PTPRD: variants seen among roughly 807,000 people sequenced by gnomAD.
The protein encoded by PTPRD is protein tyrosine phosphatase receptor type D.
Under a neutral mutation model 214.5 loss-of-function variants are expected in PTPRD, and 34 were observed. That is an observed-to-expected ratio of 0.16 (90% CI 0.12 to 0.21). PTPRD has a LOEUF of 0.21. Among genes scored for constraint, PTPRD ranks in the 10% least tolerant of loss-of-function variants. The pLI, the probability that PTPRD is intolerant of heterozygous loss-of-function variation, is 1.00. For synonymous variants in PTPRD, 1,128 were observed against 845.7 expected, an observed-to-expected ratio of 1.33 and a Z score of -5.79; for missense variants, 2,545 against 2,398.7, an observed-to-expected ratio of 1.06 and a Z score of -1.27.
intron 9 of PTPRD, among the ~76,000 whole-genome samples, chr9:9,338,148 T>C (rs1489406470): frequency 6.6e-6 from 1 of 152,200 alleles, no homozygotes; most frequent in African/African-American, 2.4e-5. Context: ...TTCGTGTTTA[T>C]TTATTGTTCA....
At chr9:9,151,754 T>C (rs2099876965) in intron 10 of PTPRD, among the ~76,000 whole-genome samples, 1 of 152,168 alleles carries the variant, frequency 6.6e-6, no homozygotes, top group African/African-American at 2.4e-5. Context: ...AAATCACAGA[T>C]TGCTCAGTGC....
intron 9 of PTPRD, among the ~76,000 whole-genome samples, chr9:9,206,492 C>G (rs956026544): frequency 6.6e-6 from 1 of 152,086 alleles, no homozygotes; most frequent in African/African-American, 2.4e-5. Flanking sequence ...AAGTATTGTT[C>G]TTGAGTGTGT....
At chr9:8,590,694 G>T (rs967496865) in intron 14 of PTPRD, among the ~76,000 whole-genome samples, 2 of 152,094 alleles carry the variant, frequency 1.3e-5, no homozygotes, top group East Asian at 3.8e-4. Context: ...TGAAGAGCAG[G>T]GGTCACAAAG....
chr9:10,065,102 A>G (rs769044153), intron 3 of PTPRD, among the ~76,000 whole-genome samples: 7 of 139,988 alleles, frequency 5.0e-5, no homozygotes, highest in Non-Finnish European at 1.1e-4. Flanking sequence ...GAAATTATCA[A>G]ATAAAATCTT....
At chr9:9,080,379 G>A (rs893904838) in intron 10 of PTPRD, among the ~76,000 whole-genome samples, 1 of 152,178 alleles carries the variant, frequency 6.6e-6, no homozygotes, top group South Asian at 2.1e-4. Flanking sequence ...ACAAAAAGCT[G>A]TATGTGAATA....
At chr9:10,493,832 A>T (rs1481697799) in intron 2 of PTPRD, among the ~76,000 whole-genome samples, 1 of 152,068 alleles carries the variant, frequency 6.6e-6, no homozygotes, top group Non-Finnish European at 1.5e-5. Flanking sequence ...ATACACACAC[A>T]AATACACCTT....
intron 11 of PTPRD, among the ~76,000 whole-genome samples, chr9:9,013,022 CAG>C (rs1365540738): frequency 6.6e-6 from 1 of 151,984 alleles, no homozygotes; most frequent in Non-Finnish European, 1.5e-5. Context: ...ATGACACTAA[CAG>C]GGGCAGAAAG....
At chr9:9,127,007 TAC>T (rs146015097) in intron 10 of PTPRD, among the ~76,000 whole-genome samples, 1 of 148,204 alleles carries the variant, frequency 6.7e-6, no homozygotes, top group Non-Finnish European at 1.5e-5. Flanking sequence ...CACACACAGG[TAC>T]ACACACACAC....
chr9:9,606,061 G>T (rs780642104), intron 7 of PTPRD, among the ~76,000 whole-genome samples: 1 of 151,946 alleles, frequency 6.6e-6, no homozygotes, highest in Non-Finnish European at 1.5e-5. Flanking sequence ...TTTTAAGAGT[G>T]GCCTTGAAGA....
At chr9:9,622,056 A>C (rs560899734) in intron 7 of PTPRD, among the ~76,000 whole-genome samples, 1 of 152,310 alleles carries the variant, frequency 6.6e-6, no homozygotes, top group African/African-American at 2.4e-5. Flanking sequence ...TGCCTTTCAC[A>C]ATTTACTAAC....
At position 9,851,896 on chromosome 9, in the gene PTPRD, C is replaced by T. The variant is rs2060614474; in HGVS notation, c.-367-85045G>A. 2.0e-5 allele frequency among the ~76,000 whole-genome samples: 3 copies of T among 152,160 alleles called. No individual in the cohort carries two copies. The South Asian group carries it at 6.2e-4, about 32-fold the overall frequency. On this transcript the variant is annotated intron_variant, in intron 5 of 45. Coordinates refer to ENST00000381196, the MANE Select transcript of PTPRD (RefSeq NM_002839.4). ...CCCTTACTGTTAACATTGACAACATCATTGTCATAAAAGAAATCACAAAGT... is the reference window on the plus strand; with the variant it reads ...CCCTTACTGTTAACATTGACAACATTATTGTCATAAAAGAAATCACAAAGT...
rs1588384107 is a variant in PTPRD at position 8,351,340 on chromosome 9, T to C, written c.4662-9362A>G. ...AAAGATACACAAATCAGAATAGTTC[T>C]GAGAAGGATCGGTAATGGTGGCAGT... is the stretch of plus-strand genomic sequence containing the variant. On this transcript the variant is annotated intron_variant, in intron 39 of 45. Transcript: ENST00000381196. 3.3e-5 allele frequency among the ~76,000 whole-genome samples: 5 copies of C among 152,190 alleles called. No individual in the cohort carries two copies. In the East Asian group the frequency reaches 9.6e-4, roughly 29 times the overall value.
chr9:9,488,769 G>T lies in PTPRD; in HGVS notation c.-237+85963C>A, dbSNP rs554308592. Among the ~76,000 whole-genome samples the T allele has an allele frequency of 2.0e-5, 3 of 152,132 alleles. No individual in the cohort carries two copies. In the East Asian group the frequency reaches 5.8e-4, roughly 30 times the overall value. On this transcript the variant is annotated intron_variant, in intron 8 of 45. Transcript: ENST00000381196. ...AGACTGGGAATTGCAGTTAATTTCT[G>T]ATGAATTTCAATGCTCAGCACAGTA...
chr9:9,964,238 G>GAATC lies in PTPRD; in HGVS notation c.-471-25632_-471-25629dup, dbSNP rs75010373. 6.7e-4 allele frequency among the ~76,000 whole-genome samples: 102 copies of GAATC among 152,280 alleles called. No homozygotes were observed. In the East Asian group the frequency reaches 0.018, roughly 26 times the overall value. ...TACTGAATTTAGTTTGGGAGTGAGG[G>GAATC]AATCATCTATCAAATATTTAACCGC... On this transcript the variant is annotated intron_variant, in intron 4 of 45. Transcript: ENST00000381196.
chr9:10,154,281 T>C (rs1209338344), intron 3 of PTPRD, among the ~76,000 whole-genome samples: 1 of 152,112 alleles, frequency 6.6e-6, no homozygotes, highest in African/African-American at 2.4e-5. Context: ...TTTTGAAAAA[T>C]GCCTGTTATG....
At chr9:10,566,511 G>A (rs1378064654) in intron 2 of PTPRD, among the ~76,000 whole-genome samples, 1 of 151,974 alleles carries the variant, frequency 6.6e-6, no homozygotes, top group East Asian at 1.9e-4. Context: ...TGGTTATTTC[G>A]ATTTCCTCTT....
intron 39 of PTPRD, among the ~76,000 whole-genome samples, chr9:8,352,662 T>C (rs780111473): frequency 1.3e-5 from 2 of 152,166 alleles, no homozygotes; most frequent in African/African-American, 2.4e-5. Flanking sequence ...TGATTCAGGT[T>C]AAGCAAGATT....
At chr9:10,231,353 G>A (rs1056786370) in intron 3 of PTPRD, among the ~76,000 whole-genome samples, 3 of 151,844 alleles carry the variant, frequency 2.0e-5, no homozygotes, top group Admixed American at 6.6e-5. Flanking sequence ...AAAATGGAAG[G>A]GTTTGCAGGA....
At chr9:10,482,412 AT>A (rs2132238652) in intron 2 of PTPRD, among the ~76,000 whole-genome samples, 1 of 151,978 alleles carries the variant, frequency 6.6e-6, no homozygotes, top group South Asian at 2.1e-4. Flanking sequence ...AAATCAATCA[AT>A]AATATTATAA....
Sources: allele counts gnomAD v4.1 joint callset (sites outside exome capture counted in the v4.1 genomes callset), GRCh38; gene constraint gnomAD v4.1.1; transcripts MANE v1.5; gene names NCBI Gene and HGNC (gene_info 2026-07-23, HGNC 2026-07-21).